Variants in TRIM44 observed in about 807,000 individuals in gnomAD.
The protein encoded by TRIM44 is tripartite motif containing 44.
In TRIM44, 13 loss-of-function variants were observed where a neutral mutation model predicts 37.4. The ratio of observed to expected loss-of-function variants is 0.35; its 90% CI spans 0.23 to 0.55. The LOEUF (loss-of-function observed/expected upper bound fraction) is 0.55, where lower values mean the gene tolerates loss of function less well. Among genes scored for constraint, TRIM44 ranks in the 20% least tolerant of loss-of-function variants. The probability of loss-of-function intolerance (pLI) is 0.89; values close to 1 mark genes in which losing one functional copy is unlikely to be tolerated. For synonymous variants in TRIM44, 175 were observed against 157.2 expected (o/e 1.11, Z -0.85); for missense variants, 426 against 437.2 (o/e 0.97, Z 0.23).
intron 2 of TRIM44, among the ~76,000 whole-genome samples, chr11:35,707,522 G>T (rs1389951141): frequency 6.6e-6 from 1 of 151,954 alleles, no homozygotes; most frequent in African/African-American, 2.4e-5. Flanking sequence ...ATACTACAAG[G>T]CTACAGTAAC....
At chr11:35,789,151 G>T (rs1015616024) in intron 4 of TRIM44, among the ~76,000 whole-genome samples, 2 of 152,170 alleles carry the variant, frequency 1.3e-5, no homozygotes, top group East Asian at 3.9e-4. Flanking sequence ...CTGCTGGGCT[G>T]AGTGAAGATT....
chr11:35,724,812 T>G (rs1427887692), intron 2 of TRIM44, among the ~76,000 whole-genome samples: 1 of 152,210 alleles, frequency 6.6e-6, no homozygotes, highest in African/African-American at 2.4e-5. Context: ...AGGAAAATGC[T>G]TACTTTCATA....
At chr11:35,785,093 A>G (rs1221192926) in intron 4 of TRIM44, among the ~76,000 whole-genome samples, 1 of 152,180 alleles carries the variant, frequency 6.6e-6, no homozygotes, top group Non-Finnish European at 1.5e-5. Flanking sequence ...AATGTTTACT[A>G]TTTTACAGGA....
At chr11:35,701,273 C>G (rs75599931) in intron 2 of TRIM44, among the ~76,000 whole-genome samples, 154 of 152,068 alleles carry the variant, frequency 1.0e-3, no homozygotes, top group African/African-American at 3.7e-3. Flanking sequence ...TTTTTCCCCC[C>G]GAAACGGGGT....
intron 2 of TRIM44, among the ~76,000 whole-genome samples, chr11:35,722,128 G>A (rs1463920119): frequency 6.6e-6 from 1 of 152,186 alleles, no homozygotes. Context: ...ATCTGAAAAA[G>A]TTCCATTTCC....
chr11:35,721,895 TC>T (rs1277209251), intron 2 of TRIM44, among the ~76,000 whole-genome samples: 5 of 152,228 alleles, frequency 3.3e-5, no homozygotes, highest in Non-Finnish European at 5.9e-5. Flanking sequence ...GATCTTGCCA[TC>T]CATTGAAAAA....
intron 4 of TRIM44, among the ~76,000 whole-genome samples, chr11:35,765,879 C>T (rs1423864906): frequency 6.6e-6 from 1 of 152,144 alleles, no homozygotes; most frequent in African/African-American, 2.4e-5. Flanking sequence ...CTGTTTCTTA[C>T]TGTGTTTGTC....
chr11:35,760,612 T>G (rs988548841), intron 4 of TRIM44, among the ~76,000 whole-genome samples: 2 of 152,348 alleles, frequency 1.3e-5, no homozygotes, highest in East Asian at 3.9e-4. Flanking sequence ...AGACTGGAAC[T>G]GTTCCTATTC....
At chr11:35,714,270 G>A (rs904692681) in intron 2 of TRIM44, among the ~76,000 whole-genome samples, 9 of 152,062 alleles carry the variant, frequency 5.9e-5, no homozygotes, top group Admixed American at 1.3e-4. Context: ...CTGTGTGCCC[G>A]GAGAGCCCTA....
chr11:35,713,938 T>C (rs940541561), intron 2 of TRIM44, among the ~76,000 whole-genome samples: 2 of 152,194 alleles, frequency 1.3e-5, no homozygotes, highest in Non-Finnish European at 2.9e-5. Flanking sequence ...CCCTGAGATG[T>C]TGGGCAGTCA....
chr11:35,703,816 A>G (rs1053635606), intron 2 of TRIM44, among the ~76,000 whole-genome samples: 2 of 152,172 alleles, frequency 1.3e-5, no homozygotes, highest in Non-Finnish European at 2.9e-5. Flanking sequence ...TGGGAAAAAA[A>G]CAGCAGAAAA....
At chr11:35,722,609 T>C (rs766809781) in intron 2 of TRIM44, among the ~76,000 whole-genome samples, 1 of 152,232 alleles carries the variant, frequency 6.6e-6, no homozygotes, top group Non-Finnish European at 1.5e-5. Context: ...TAAACTGTCA[T>C]GGTGCTGGTG....
intron 2 of TRIM44, among the ~76,000 whole-genome samples, chr11:35,709,979 A>C (rs1446997593): frequency 6.6e-6 from 1 of 152,212 alleles, no homozygotes; most frequent in African/African-American, 2.4e-5. Flanking sequence ...GTAAAATGAC[A>C]TACAGAAATT....
At chr11:35,761,853 A>G (rs1348945642) in intron 4 of TRIM44, among the ~76,000 whole-genome samples, 1 of 152,196 alleles carries the variant, frequency 6.6e-6, no homozygotes, top group African/African-American at 2.4e-5. Flanking sequence ...ATTTTTGTTT[A>G]AAGTGACTTA....
At chr11:35,712,802 T>A (rs1259115544) in intron 2 of TRIM44, among the ~76,000 whole-genome samples, 1 of 152,130 alleles carries the variant, frequency 6.6e-6, no homozygotes, top group Non-Finnish European at 1.5e-5. Flanking sequence ...CAGGATTGTA[T>A]TTGACAGTTA....
intron 4 of TRIM44, among the ~76,000 whole-genome samples, chr11:35,791,519 C>A (rs1303480591): frequency 2.0e-5 from 3 of 152,098 alleles, no homozygotes; most frequent in African/African-American, 7.2e-5. Context: ...CAAGCATGAC[C>A]CATAAAGATA....
At chr11:35,689,391 T>G (rs941145440) in intron 2 of TRIM44, among the ~76,000 whole-genome samples, 8 of 152,242 alleles carry the variant, frequency 5.3e-5, no homozygotes, top group African/African-American at 1.9e-4. Flanking sequence ...TCTAGAACCC[T>G]CTATATCGTG....
intron 2 of TRIM44, among the ~76,000 whole-genome samples, chr11:35,701,030 T>C (rs902792189): frequency 6.6e-6 from 1 of 152,178 alleles, no homozygotes; most frequent in Non-Finnish European, 1.5e-5. Context: ...TTTTTTTTAA[T>C]TGGATTACTG....
At chr11:35,708,823 A>C (rs892418735) in intron 2 of TRIM44, among the ~76,000 whole-genome samples, 3 of 152,062 alleles carry the variant, frequency 2.0e-5, no homozygotes, top group Non-Finnish European at 4.4e-5. Context: ...ATGACTAGTT[A>C]ATGGGTGCAG....
Sources: allele counts gnomAD v4.1 joint callset (sites outside exome capture counted in the v4.1 genomes callset), GRCh38; gene constraint gnomAD v4.1.1; transcripts MANE v1.5; gene names NCBI Gene and HGNC (gene_info 2026-07-23, HGNC 2026-07-21).